The following ALDH1A1 variants were observed in gnomAD, a reference collection of about 807,000 sequenced individuals.
ALDH1A1 encodes the protein aldehyde dehydrogenase 1A1.
Under a neutral mutation model 62.1 loss-of-function variants are expected in ALDH1A1, and 19 were observed. The observed-to-expected ratio is 0.31, with a 90% CI of 0.21 to 0.45. The LOEUF (loss-of-function observed/expected upper bound fraction) is 0.45, where lower values mean the gene tolerates loss of function less well. ALDH1A1 is among the 20% of genes least tolerant of loss of function. The pLI is 1.00. For missense variants in ALDH1A1, 521 were observed against 607.1 expected, an observed-to-expected ratio of 0.86 and a Z score of 1.49; for synonymous variants, 231 against 215.9, an observed-to-expected ratio of 1.07 and a Z score of -0.61.
At chr9:72,948,760 G>A (rs898816255) in intron 1 of ALDH1A1, among the ~76,000 whole-genome samples, 4 of 151,868 alleles carry the variant, frequency 2.6e-5, no homozygotes, top group Middle Eastern at 3.4e-3. Context: ...TGCATGAGAC[G>A]TGAATCATAT....
intron 9 of ALDH1A1, among the ~76,000 whole-genome samples, chr9:72,916,593 A>G (rs2118507411): frequency 6.6e-6 from 1 of 152,310 alleles, no homozygotes. Context: ...TAAGAATTTC[A>G]AAGTGGACAG....
chr9:72,916,895 G>A, intron 9 of ALDH1A1, 25 bp downstream of exon 9: 1 of 1,531,620 alleles, frequency 6.5e-7, no homozygotes, highest in Non-Finnish European at 8.8e-7. Context: ...CCCTGAAAAT[G>A]CTATCCTTTC....
intron 1 of ALDH1A1, among the ~76,000 whole-genome samples, chr9:72,950,189 C>T (rs1830527721): frequency 6.6e-6 from 1 of 151,836 alleles, no homozygotes; most frequent in African/African-American, 2.4e-5. Flanking sequence ...GCTTTGTACG[C>T]ATTAAGTTCG....
chr9:72,926,761 T>C (rs1384427588), intron 5 of ALDH1A1, among the ~76,000 whole-genome samples: 1 of 152,220 alleles, frequency 6.6e-6, no homozygotes, highest in South Asian at 2.1e-4. Flanking sequence ...CAAAATGCTA[T>C]CCTGCAGATG....
chr9:72,923,427 G>A (rs1311800203), intron 7 of ALDH1A1, among the ~76,000 whole-genome samples: 1 of 152,130 alleles, frequency 6.6e-6, no homozygotes, highest in Non-Finnish European at 1.5e-5. Context: ...ATCAATAAAT[G>A]GGGATCTATT....
intron 11 of ALDH1A1, among the ~76,000 whole-genome samples, chr9:72,908,941 C>T (rs1888203): frequency 0.063 from 9,579 of 151,946 alleles, 883 homozygotes; most frequent in African/African-American, 0.2. Context: ...GTAAGAAGGC[C>T]GATATAAGAA....
chr9:72,911,425 T>TA (rs1266600633), intron 10 of ALDH1A1, among the ~76,000 whole-genome samples: 2 of 152,126 alleles, frequency 1.3e-5, no homozygotes, highest in Non-Finnish European at 2.9e-5. Context: ...TGTTATTAAT[T>TA]ACAGTCAGGA....
At chr9:72,950,374 G>C (rs1353950241) in intron 1 of ALDH1A1, among the ~76,000 whole-genome samples, 2 of 151,836 alleles carry the variant, frequency 1.3e-5, no homozygotes, top group Non-Finnish European at 2.9e-5. Context: ...TTTAGAGTTG[G>C]AAAGAGGAGT....
intron 9 of ALDH1A1, 145 bp from the exon 10 acceptor site, chr9:72,912,267 A>G: frequency 3.1e-6 from 2 of 647,100 alleles, no homozygotes; most frequent in Non-Finnish European, 5.2e-6. Context: ...AGAGGTTCAG[A>G]TTCATTCTTT....
At chr9:72,928,837 A>G in intron 4 of ALDH1A1, 55 bp downstream of exon 4, 3 of 1,557,340 alleles carry the variant, frequency 1.9e-6, no homozygotes, top group Non-Finnish European at 2.6e-6. Flanking sequence ...ATTCAGCTCT[A>G]TAGTAAACTC....
At chr9:72,926,811 G>C (rs771722442) in intron 5 of ALDH1A1, among the ~76,000 whole-genome samples, 2 of 152,266 alleles carry the variant, frequency 1.3e-5, no homozygotes, top group Admixed American at 1.3e-4. Context: ...GTAAAGCTTG[G>C]CTCTTATAAA....
At chr9:72,907,889 T>A (rs972608045) in intron 11 of ALDH1A1, among the ~76,000 whole-genome samples, 9 of 152,224 alleles carry the variant, frequency 5.9e-5, no homozygotes, top group African/African-American at 1.9e-4. Context: ...CTATACCGAC[T>A]ATTCAAGAAG....
intron 12 of ALDH1A1, 39 bp from the exon 13 acceptor site, chr9:72,901,319 C>T (rs758801059): frequency 1.4e-6 from 2 of 1,400,388 alleles, no homozygotes; most frequent in South Asian, 1.2e-5. Context: ...CACCATTTAG[C>T]ACAGCAGTAT....
intron 10 of ALDH1A1, 22 bp downstream of exon 10, chr9:72,911,936 A>G (rs1564624789): frequency 2.5e-6 from 4 of 1,613,230 alleles, no homozygotes; most frequent in Admixed American, 1.7e-5. Flanking sequence ...CAAAAAGAAC[A>G]GAACAGAATG....
At chr9:72,920,629 GAGAA>G (rs1229009012) in intron 7 of ALDH1A1, among the ~76,000 whole-genome samples, 1 of 152,218 alleles carries the variant, frequency 6.6e-6, no homozygotes, top group Non-Finnish European at 1.5e-5. Context: ...AAGTATGAAT[GAGAA>G]AGAAAGTCTA....
At chr9:72,937,585 A>G (rs1830360580) in intron 2 of ALDH1A1, among the ~76,000 whole-genome samples, 1 of 152,174 alleles carries the variant, frequency 6.6e-6, no homozygotes, top group African/African-American at 2.4e-5. Flanking sequence ...TTGAAAATCT[A>G]CGCTCTTACT....
rs893819340 is a variant in ALDH1A1, at chr9:72,934,487, G to T, written c.172-3468C>A. Among the ~76,000 whole-genome samples the T allele has an allele frequency of 2.0e-5, 3 of 152,080 alleles. No homozygotes were observed. The South Asian group carries it at 6.2e-4, about 32-fold the overall frequency. On this transcript the variant is annotated intron_variant, in intron 2 of 12. Coordinates refer to ENST00000297785, the MANE Select transcript of ALDH1A1 (RefSeq NM_000689.5). Reference sequence around the variant, plus strand: ...GTCCTCCCTGGTTTTCAAGGCCCAGGATTTTCAGACCACATCTCACCTATC... The same window carrying T: ...GTCCTCCCTGGTTTTCAAGGCCCAGTATTTTCAGACCACATCTCACCTATC...
intron 7 of ALDH1A1, among the ~76,000 whole-genome samples, chr9:72,922,703 G>C (rs1830159479): frequency 6.6e-6 from 1 of 152,224 alleles, no homozygotes; most frequent in Non-Finnish European, 1.5e-5. Context: ...GGAGGGTCTA[G>C]AATTCTAGGC....
At chr9:72,933,175 T>C (rs997641540) in intron 2 of ALDH1A1, among the ~76,000 whole-genome samples, 1 of 152,224 alleles carries the variant, frequency 6.6e-6, no homozygotes, top group Non-Finnish European at 1.5e-5. Flanking sequence ...TGATTCCTCT[T>C]CATTAGCTGT....
Sources: allele counts gnomAD v4.1 joint callset (sites outside exome capture counted in the v4.1 genomes callset), GRCh38; gene constraint gnomAD v4.1.1; transcripts MANE v1.5; gene names NCBI Gene and HGNC (gene_info 2026-07-23, HGNC 2026-07-21).